Variants in SLC9C1 observed in about 807,000 individuals in gnomAD.
SLC9C1 encodes the protein sodium/hydrogen exchanger 10.
Under a neutral mutation model 140.9 loss-of-function variants are expected in SLC9C1, and 97 were observed. The ratio of observed to expected loss-of-function variants is 0.69; its 90% CI spans 0.58 to 0.82. The LOEUF is 0.82. SLC9C1 is among the 40% of genes least tolerant of loss of function. The probability of loss-of-function intolerance (pLI) is 0.00; values close to 1 mark genes in which losing one functional copy is unlikely to be tolerated. For synonymous variants in SLC9C1, 440 were observed against 442.6 expected, an observed-to-expected ratio of 0.99 and a Z score of 0.07; for missense variants, 1,340 against 1,389.3, an observed-to-expected ratio of 0.96 and a Z score of 0.56.
intron 17 of SLC9C1, among the ~76,000 whole-genome samples, chr3:112,203,518 A>G (rs1414119685): frequency 6.6e-6 from 1 of 151,496 alleles, no homozygotes; most frequent in Non-Finnish European, 1.5e-5. Flanking sequence ...AAAGATCTAA[A>G]TGTAAAGATT....
At chr3:112,182,389 C>A in intron 20 of SLC9C1, 131 bp from the exon 21 acceptor site, 7 of 963,102 alleles carry the variant, frequency 7.3e-6, no homozygotes, top group Non-Finnish European at 1.0e-5. Flanking sequence ...ACATTTTCAA[C>A]CTCTCTTTAT....
At chr3:112,158,350 T>A (rs1329222698) in intron 26 of SLC9C1, among the ~76,000 whole-genome samples, 1 of 152,086 alleles carries the variant, frequency 6.6e-6, no homozygotes, top group Non-Finnish European at 1.5e-5. Flanking sequence ...GAACCATCTT[T>A]GCATCCTTGA....
At chr3:112,262,049 G>A (rs913919189) in intron 10 of SLC9C1, among the ~76,000 whole-genome samples, 1 of 152,022 alleles carries the variant, frequency 6.6e-6, no homozygotes, top group Non-Finnish European at 1.5e-5. Flanking sequence ...CTGTTTTGGA[G>A]TGAGGAAACT....
At chr3:112,265,322 C>A (rs2079886968) in intron 8 of SLC9C1, among the ~76,000 whole-genome samples, 1 of 151,934 alleles carries the variant, frequency 6.6e-6, no homozygotes, top group East Asian at 1.9e-4. Flanking sequence ...AGAATCATTC[C>A]CCATATATAT....
At chr3:112,170,330 A>G (rs1040115702) in intron 23 of SLC9C1, among the ~76,000 whole-genome samples, 11 of 152,298 alleles carry the variant, frequency 7.2e-5, no homozygotes, top group African/African-American at 2.6e-4. Context: ...TGACTAGTGT[A>G]AGGTGGTATC....
chr3:112,264,195 C>CA lies in SLC9C1; in HGVS notation c.1022+4_1022+5insT. ...TAAATAGAAAAATTTTAATGATGTT[C>CA]TTACCTTAAAACAATCAATGTTAAG... On this transcript the variant is annotated splice_donor_region_variant and intron_variant, in intron 9 of 28. Transcript: ENST00000305815. 1 of 1,123,154 alleles carries CA rather than the reference C, an allele frequency of 8.9e-7. No homozygotes were observed. The highest frequency in any genetic ancestry group is 1.2e-6 in the Non-Finnish European group (1 of 856,218). 69.6% of individuals were successfully genotyped at this position (1,123,154 alleles called of 1,614,324 possible). A position where few individuals can be genotyped will look rare whatever the true frequency, so the allele number is the denominator to read the frequency against.
rs528132882 is a variant in SLC9C1, at chr3:112,153,148, C to T, written c.3418-1185G>A. Among the ~76,000 whole-genome samples, 5 of 152,264 alleles carry T rather than the reference C, an allele frequency of 3.3e-5. No homozygotes were observed. The South Asian group carries it at 1.0e-3, about 32-fold the overall frequency. ...GAGAAGAAGCATCTACTAAACAACA[C>T]AATTTGATGATTTTCTTTATATGTC... is the stretch of plus-strand genomic sequence containing the variant. On this transcript the variant is annotated intron_variant, in intron 27 of 28. Transcript: ENST00000305815.
chr3:112,230,021 TA>T (rs2108164282), intron 13 of SLC9C1, among the ~76,000 whole-genome samples: 1 of 152,264 alleles, frequency 6.6e-6, no homozygotes, highest in East Asian at 1.9e-4. Context: ...CAAATGTTTG[TA>T]AAATACTCCT....
At chr3:112,262,809 A>G in intron 10 of SLC9C1, 115 bp downstream of exon 10, 1 of 930,538 alleles carries the variant, frequency 1.1e-6, no homozygotes, top group Non-Finnish European at 1.5e-6. Context: ...TCATAGCTAA[A>G]TCACTCCTAC....
chr3:112,193,079 A>G (rs2077697021), intron 20 of SLC9C1, among the ~76,000 whole-genome samples: 1 of 151,998 alleles, frequency 6.6e-6, no homozygotes, highest in South Asian at 2.1e-4. Context: ...GTCTCCATGT[A>G]GTTTGTTCCA....
At chr3:112,217,316 G>A (rs1474615123) in intron 15 of SLC9C1, 126 bp downstream of exon 15, 21 of 1,092,018 alleles carry the variant, frequency 1.9e-5, no homozygotes, top group Admixed American at 2.9e-5. Flanking sequence ...TAACCTGCAC[G>A]TTGTGCACAT....
At chr3:112,218,920 G>A (rs1476186661) in intron 14 of SLC9C1, among the ~76,000 whole-genome samples, 1 of 152,210 alleles carries the variant, frequency 6.6e-6, no homozygotes, top group Admixed American at 6.5e-5. Flanking sequence ...TAACCGGATA[G>A]TGAGGCAGCT....
At chr3:112,220,030 C>A (rs1304738180) in intron 14 of SLC9C1, among the ~76,000 whole-genome samples, 1 of 152,170 alleles carries the variant, frequency 6.6e-6, no homozygotes, top group East Asian at 1.9e-4. Flanking sequence ...GCCCTCTCAA[C>A]TCCCTCAACT....
chr3:112,151,666 T>C (rs1302196911), intron 28 of SLC9C1, among the ~76,000 whole-genome samples, 191 bp downstream of exon 28: 3 of 152,224 alleles, frequency 2.0e-5, no homozygotes, highest in Non-Finnish European at 4.4e-5. Context: ...GAAATCTAGA[T>C]AAAGGAGTAT....
intron 26 of SLC9C1, among the ~76,000 whole-genome samples, chr3:112,165,821 G>T (rs772728366): frequency 2.0e-5 from 3 of 152,228 alleles, no homozygotes; most frequent in Non-Finnish European, 2.9e-5. Context: ...ATTTAAGTCT[G>T]CAGAGGATTC....
chr3:112,209,654 A>G (rs575380927), intron 15 of SLC9C1, among the ~76,000 whole-genome samples: 3 of 152,334 alleles, frequency 2.0e-5, no homozygotes, highest in Admixed American at 6.5e-5. Context: ...GTTTCAGGAA[A>G]CAAAATCGAT....
intron 19 of SLC9C1, 58 bp from the exon 20 acceptor site, chr3:112,199,527 G>A (rs991652738): frequency 6.6e-6 from 9 of 1,363,826 alleles, no homozygotes; most frequent in Non-Finnish European, 8.8e-6. Flanking sequence ...AATGTTTTAT[G>A]TGGACAATAA....
At chr3:112,282,056 C>T (rs976097807) in intron 2 of SLC9C1, among the ~76,000 whole-genome samples, 5 of 152,184 alleles carry the variant, frequency 3.3e-5, no homozygotes, top group African/African-American at 1.2e-4. Context: ...ACACCATAGA[C>T]ACACCTTACA....
chr3:112,174,692 A>T (rs2077304734), intron 23 of SLC9C1, among the ~76,000 whole-genome samples: 1 of 152,200 alleles, frequency 6.6e-6, no homozygotes, highest in Admixed American at 6.5e-5. Flanking sequence ...CAGCATAATG[A>T]CTAGGCCCTT....
Sources: allele counts gnomAD v4.1 joint callset (sites outside exome capture counted in the v4.1 genomes callset), GRCh38; gene constraint gnomAD v4.1.1; transcripts MANE v1.5; gene names NCBI Gene and HGNC (gene_info 2026-07-23, HGNC 2026-07-21).